SLC30A8: variants seen among roughly 807,000 people sequenced by gnomAD.
The protein encoded by SLC30A8 is solute carrier family 30 member 8.
In SLC30A8, 27 loss-of-function variants were observed where a neutral mutation model predicts 36.9. That is an observed-to-expected ratio of 0.73 (90% confidence interval 0.54 to 1.01). SLC30A8 has a LOEUF of 1.01. Ranked by LOEUF, SLC30A8 falls within the 50% of genes least tolerant of loss-of-function variation. The probability of loss-of-function intolerance (pLI) is 0.00; values close to 1 mark genes in which losing one functional copy is unlikely to be tolerated. For missense variants in SLC30A8, 439 were observed against 452.0 expected, an observed-to-expected ratio of 0.97 and a Z score of 0.26; for synonymous variants, 164 against 172.4, an observed-to-expected ratio of 0.95 and a Z score of 0.38.
chr8:117,098,204 A>T (rs1038553704), intron 2 of SLC30A8, among the ~76,000 whole-genome samples: 67 of 151,036 alleles, frequency 4.4e-4, no homozygotes, highest in African/African-American at 1.6e-3. Context: ...GAGAAAGCAG[A>T]ATTTAAGGTG....
At chr8:117,073,312 A>C (rs1818387391) in intron 2 of SLC30A8, among the ~76,000 whole-genome samples, 1 of 148,848 alleles carries the variant, frequency 6.7e-6, no homozygotes. Flanking sequence ...GCTGGAGTGC[A>C]GTGGTGTGAT....
intron 1 of SLC30A8, among the ~76,000 whole-genome samples, chr8:117,145,047 C>G (rs557865843): frequency 8.6e-5 from 13 of 152,022 alleles, no homozygotes; most frequent in Non-Finnish European, 1.6e-4. Flanking sequence ...GGCAACCATC[C>G]CACTACCATG....
chr8:117,132,832 A>T (rs892885435), upstream of SLC30A8, among the ~76,000 whole-genome samples: 4 of 152,044 alleles, frequency 2.6e-5, no homozygotes, highest in African/African-American at 9.7e-5. Flanking sequence ...ACATGATATA[A>T]TATGCAATTC....
At chr8:117,020,112 A>T (rs759600790) in intron 1 of SLC30A8, among the ~76,000 whole-genome samples, 1 of 152,164 alleles carries the variant, frequency 6.6e-6, no homozygotes, top group Non-Finnish European at 1.5e-5. Flanking sequence ...TTGAAAGGGG[A>T]GGATTTGCAG....
At chr8:116,978,595 CTT>C (rs1219380757) in intron 1 of SLC30A8, among the ~76,000 whole-genome samples, 2 of 152,220 alleles carry the variant, frequency 1.3e-5, no homozygotes, top group Non-Finnish European at 2.9e-5. Flanking sequence ...TCTTTTCTCT[CTT>C]ATTACAGTAT....
intron 2 of SLC30A8, among the ~76,000 whole-genome samples, chr8:117,091,922 G>T (rs1001561208): frequency 7.9e-5 from 12 of 152,176 alleles, no homozygotes; most frequent in African/African-American, 2.9e-4. Context: ...TCCTCACTAT[G>T]ATTCTTAGGG....
chr8:117,023,907 A>T (rs780472668), intron 1 of SLC30A8, among the ~76,000 whole-genome samples: 39 of 151,926 alleles, frequency 2.6e-4, no homozygotes, highest in African/African-American at 9.4e-4. Context: ...AAAAGTCTTA[A>T]GGTGCTTCCA....
At chr8:116,993,985 A>G (rs188830678) in intron 1 of SLC30A8, among the ~76,000 whole-genome samples, 3 of 152,086 alleles carry the variant, frequency 2.0e-5, no homozygotes, top group Admixed American at 2.0e-4. Flanking sequence ...TAGCATTTCT[A>G]TACTTACTAG....
At chr8:117,139,513 G>GT (rs1821542959) in intron 1 of SLC30A8, among the ~76,000 whole-genome samples, 1 of 152,100 alleles carries the variant, frequency 6.6e-6, no homozygotes, top group Non-Finnish European at 1.5e-5. Context: ...CATTTTTGTT[G>GT]TTTAAGCCAC....
At chr8:117,167,155 G>A (rs958326831) in intron 6 of SLC30A8, among the ~76,000 whole-genome samples, 6 of 151,928 alleles carry the variant, frequency 3.9e-5, no homozygotes, top group South Asian at 2.1e-4. Flanking sequence ...CTTATATTCC[G>A]CTTTTCTTTG....
intron 2 of SLC30A8, among the ~76,000 whole-genome samples, chr8:117,067,452 A>G (rs552216797): frequency 6.6e-6 from 1 of 152,072 alleles, no homozygotes; most frequent in East Asian, 1.9e-4. Flanking sequence ...GTGATTCTCT[A>G]ATCGACCAAG....
chr8:117,157,694 T>C lies in SLC30A8; in HGVS notation c.422T>C (p.Ile141Thr), dbSNP rs765852756. The C allele has an allele frequency of 6.2e-7, 1 of 1,613,824 alleles. No homozygotes were observed. Among genetic ancestry groups the C allele is most frequent in the African/African-American group, 1.3e-5 (1 of 74,866 alleles). Residue 141 changes from isoleucine (I) to threonine (T), a missense_variant, in exon 4 of 8, where the codon ATC (isoleucine) becomes ACC (threonine). Ile to Thr is a moderately conservative substitution (Grantham distance 89). Transcript: ENST00000456015. The part of the protein sequence containing the change: ...RLTFGWHRAE[I>T]LGALLSILCI... The stretch of plus-strand genomic sequence containing the variant: ...CTGTGTGTGTTTGAATTCCTAGAGA[T>C]CCTTGGTGCCCTGCTCTCCATCCTG...
intron 1 of SLC30A8, among the ~76,000 whole-genome samples, chr8:116,998,349 T>TA (rs1414166875): frequency 6.6e-6 from 1 of 152,172 alleles, no homozygotes; most frequent in Non-Finnish European, 1.5e-5. Flanking sequence ...GAGGGTCCAC[T>TA]ACAGGAGACA....
chr8:117,034,693 G>T (rs1817157437), intron 1 of SLC30A8, among the ~76,000 whole-genome samples: 1 of 152,146 alleles, frequency 6.6e-6, no homozygotes, highest in African/African-American at 2.4e-5. Context: ...GAGTAACTGA[G>T]TGTATTAGTC....
intron 1 of SLC30A8, among the ~76,000 whole-genome samples, chr8:116,998,372 A>G (rs559441550): frequency 6.6e-6 from 1 of 152,320 alleles, no homozygotes; most frequent in South Asian, 2.1e-4. Flanking sequence ...AGTCCCTCCC[A>G]TACTATTTAA....
intron 2 of SLC30A8, among the ~76,000 whole-genome samples, chr8:117,126,953 T>C (rs149654637): frequency 1.3e-3 from 203 of 152,102 alleles, no homozygotes; most frequent in Non-Finnish European, 2.5e-3. Context: ...AAGGCGACAG[T>C]ACTGGGGCAT....
intron 2 of SLC30A8, among the ~76,000 whole-genome samples, chr8:117,106,601 A>G (rs1377826785): frequency 6.6e-6 from 1 of 152,156 alleles, no homozygotes; most frequent in Non-Finnish European, 1.5e-5. Flanking sequence ...GCTTGTTAGC[A>G]GTAGTGCAGG....
chr8:117,051,684 G>T, intron 2 of SLC30A8, among the ~76,000 whole-genome samples: 1 of 151,998 alleles, frequency 6.6e-6, no homozygotes, highest in Non-Finnish European at 1.5e-5. Context: ...GTGGTGGCAG[G>T]CGCCTGTAGT....
chr8:117,163,607 G>A, intron 6 of SLC30A8, 77 bp downstream of exon 6: 3 of 1,006,718 alleles, frequency 3.0e-6, no homozygotes. Flanking sequence ...TGGCTACAAG[G>A]CATGCTCACT....
Sources: allele counts gnomAD v4.1 joint callset (sites outside exome capture counted in the v4.1 genomes callset), GRCh38; gene constraint gnomAD v4.1.1; transcripts MANE v1.5; gene names NCBI Gene and HGNC (gene_info 2026-07-23, HGNC 2026-07-21).